Variants in FBXW8 observed in about 807,000 individuals in gnomAD.
FBXW8 encodes the protein F-box/WD repeat-containing protein 8.
FBXW8 carries 57 observed loss-of-function variants against 65.3 expected under a neutral mutation model. The observed-to-expected ratio is 0.87, with a 90% CI of 0.71 to 1.09. The LOEUF is 1.09. Ranked by LOEUF, FBXW8 falls within the 50% of genes least tolerant of loss-of-function variation. FBXW8 has a pLI of 0.00. For missense variants in FBXW8, 777 were observed against 814.8 expected (o/e 0.95, Z 0.57); for synonymous variants, 308 against 330.2 (o/e 0.93, Z 0.73).
chr12:116,937,093 G>A (rs539696806), intron 2 of FBXW8, among the ~76,000 whole-genome samples: 1 of 152,240 alleles, frequency 6.6e-6, no homozygotes, highest in Admixed American at 6.5e-5. Flanking sequence ...GGATGGGCTG[G>A]ATGTGGGGAC....
chr12:117,020,292 G>A (rs1337927213), intron 8 of FBXW8, among the ~76,000 whole-genome samples: 1 of 152,078 alleles, frequency 6.6e-6, no homozygotes, highest in Non-Finnish European at 1.5e-5. Flanking sequence ...TTTCTCTCAG[G>A]CTGCTTTTAG....
chr12:116,916,911 T>TGTGTGTGAGAGA (rs59006120), intron 1 of FBXW8, among the ~76,000 whole-genome samples: 10 of 145,616 alleles, frequency 6.9e-5, no homozygotes, highest in Non-Finnish European at 1.2e-4. Context: ...TGTGTGTGTG[T>TGTGTGTGAGAGA]GAGAGAGAGA....
intron 9 of FBXW8, among the ~76,000 whole-genome samples, chr12:117,025,399 G>C (rs74633556): frequency 0.027 from 4,106 of 152,276 alleles, 182 homozygotes; most frequent in African/African-American, 0.088. Context: ...GCAGAAACAG[G>C]GCAAGGCCCT....
Position 117,030,863 on chromosome 12 carries a change from A to G in FBXW8, c.*2691A>G, listed in dbSNP as rs1224143931. ...ACAGGGAAAGGATAAATGCTCCTTT[A>G]TAAGCCAACATGTATCCAAATTAAG... On this transcript the variant is annotated 3_prime_UTR_variant, in exon 11 of 11. Transcript: ENST00000652555. The G allele has an allele frequency of 6.6e-6, 1 of 152,262 alleles. No individual in the cohort carries two copies. Among genetic ancestry groups the G allele is most frequent in the Non-Finnish European group, 1.5e-5 (1 of 68,048 alleles). 9.4% of individuals were successfully genotyped at this position (152,262 alleles called of 1,614,324 possible). A position where few individuals can be genotyped will look rare whatever the true frequency, so the allele number is the denominator to read the frequency against.
Position 116,957,781 on chromosome 12 carries a change from A to G in FBXW8, c.678-6916A>G, listed in dbSNP as rs183086912. Among the ~76,000 whole-genome samples, 228 of 152,314 alleles carry G rather than the reference A, an allele frequency of 1.5e-3. 1 individual carries two copies. Among genetic ancestry groups the G allele is most frequent in the Admixed American group, 2.4e-3 (37 of 15,300 alleles). ...ATAAGGAACTCGATCATTACCCGTT[A>G]GGGACCTCTTTTTAAAAATACTTTT... On this transcript the variant is annotated intron_variant, in intron 4 of 10. Coordinates refer to ENST00000652555, the MANE Select transcript of FBXW8 (RefSeq NM_153348.3).
rs548855492 is a variant in FBXW8, at chr12:116,953,537, C to T, written c.677+3831C>T. Among the ~76,000 whole-genome samples, 18 of 152,056 alleles carry T rather than the reference C, an allele frequency of 1.2e-4. No individual in the cohort carries two copies. The South Asian group carries it at 1.9e-3, about 16-fold the overall frequency. ...CTGTAATCCCAGCACTTTGGGAGGC[C>T]GAGGCGGGCGGATCACAAGGTCAGG... On this transcript the variant is annotated intron_variant, in intron 4 of 10. Transcript: ENST00000652555.
chr12:116,937,098 G>C (rs1175686405), intron 2 of FBXW8, among the ~76,000 whole-genome samples: 1 of 152,104 alleles, frequency 6.6e-6, no homozygotes, highest in Non-Finnish European at 1.5e-5. Context: ...GGCTGGATGT[G>C]GGGACAGAAG....
At chr12:116,994,687 A>G (rs1380783445) in intron 7 of FBXW8, among the ~76,000 whole-genome samples, 3 of 152,238 alleles carry the variant, frequency 2.0e-5, no homozygotes, top group Admixed American at 1.3e-4. Context: ...GATCATTTCT[A>G]TGACATAACA....
intron 7 of FBXW8, among the ~76,000 whole-genome samples, chr12:117,001,236 G>T (rs1953512885): frequency 6.6e-6 from 1 of 152,130 alleles, no homozygotes; most frequent in East Asian, 1.9e-4. Context: ...TAGGGAGCTG[G>T]GGGGAGCCCC....
At chr12:117,024,411 C>G (rs1281240955) in intron 9 of FBXW8, 91 bp downstream of exon 9, 1 of 1,462,910 alleles carries the variant, frequency 6.8e-7, no homozygotes, top group Non-Finnish European at 9.4e-7. Context: ...TGCTAAATGC[C>G]CCCTACCCCC....
In FBXW8 at chr12:116,911,379, C is replaced by A. The variant is rs928437643; in HGVS notation, c.318+24C>A. The A allele has an allele frequency of 4.0e-6, 5 of 1,254,622 alleles. No homozygotes were observed. The African/African-American group carries it at 4.7e-5, about 12-fold the overall frequency. 77.7% of individuals were successfully genotyped at this position (1,254,622 alleles called of 1,614,324 possible). On this transcript the variant is annotated intron_variant, in intron 1 of 10. Coordinates refer to ENST00000652555, the MANE Select transcript of FBXW8 (RefSeq NM_153348.3). ...TGGTGAGTGGCCGTCGCCTCCCCCCCGCCCATGCCTGCGCCGGCCCCCGCC... is the reference window on the plus strand; with the variant it reads ...TGGTGAGTGGCCGTCGCCTCCCCCCAGCCCATGCCTGCGCCGGCCCCCGCC...
chr12:117,024,075 A>AGG lies in FBXW8; in HGVS notation c.1368-68_1368-67dup, dbSNP rs150703363. On this transcript the variant is annotated intron_variant, in intron 8 of 10. Coordinates refer to ENST00000652555, the MANE Select transcript of FBXW8 (RefSeq NM_153348.3). ...TGTTGTGCATAGACCAGCACCGTGG[A>AGG]GGGGGAGTTTGTCATTTGAAGCTTT... The AGG allele has an allele frequency of 2.0e-6, 3 of 1,521,702 alleles. No individual in the cohort carries two copies. In the Admixed American group the frequency reaches 5.2e-5, roughly 26 times the overall value. The allele number at this position is 1,521,702 out of a possible 1,614,324, so 94.3% of individuals were successfully genotyped here.
At chr12:116,914,543 G>A (rs969386743) in intron 1 of FBXW8, among the ~76,000 whole-genome samples, 6 of 143,106 alleles carry the variant, frequency 4.2e-5, no homozygotes, top group Non-Finnish European at 9.0e-5. Context: ...ACTGCACTCC[G>A]GCCTAGGTGA....
rs1001349447 is a variant in FBXW8 at position 116,985,524 on chromosome 12, A to C, written c.1032+122A>C. 3.5e-5 allele frequency: 33 copies of C among 934,302 alleles called. No homozygotes were observed. The African/African-American group carries it at 4.3e-4, about 12-fold the overall frequency. 57.9% of individuals were successfully genotyped at this position (934,302 alleles called of 1,614,324 possible). On this transcript the variant is annotated intron_variant, in intron 6 of 10. Coordinates refer to ENST00000652555, the MANE Select transcript of FBXW8 (RefSeq NM_153348.3). The stretch of plus-strand genomic sequence containing the variant: ...AGAGCTTCCTGCGGGCCTTACCTCC[A>C]TAAGTCTAACTACAGCCTTACAAAA...
At chr12:117,013,624 AT>A (rs1283643472) in intron 8 of FBXW8, among the ~76,000 whole-genome samples, 1 of 152,152 alleles carries the variant, frequency 6.6e-6, no homozygotes, top group Non-Finnish European at 1.5e-5. Flanking sequence ...TTAAAAAAAA[AT>A]TTTTCACATC....
intron 8 of FBXW8, among the ~76,000 whole-genome samples, chr12:117,014,591 T>C (rs1953902764): frequency 6.6e-6 from 1 of 152,218 alleles, no homozygotes; most frequent in East Asian, 1.9e-4. Context: ...GATTTTTGTT[T>C]TGTTTTGCTT....
At position 116,928,146 on chromosome 12, in the gene FBXW8, A is replaced by C. The variant is rs1464812332; in HGVS notation, c.423+19A>C. On this transcript the variant is annotated intron_variant, in intron 2 of 10. Transcript: ENST00000652555. ...TGCACAGGTAAGGTGTCACCAACAGATGTTCCAGATTTTCCTAAATGTGTG... is the reference window on the plus strand; with the variant it reads ...TGCACAGGTAAGGTGTCACCAACAGCTGTTCCAGATTTTCCTAAATGTGTG... 4.1e-6 allele frequency: 6 copies of C among 1,467,278 alleles called. No homozygotes were observed. Among genetic ancestry groups the C allele is most frequent in the Non-Finnish European group, 5.7e-6 (6 of 1,050,208 alleles). 90.9% of individuals were successfully genotyped at this position (1,467,278 alleles called of 1,614,324 possible). A position where few individuals can be genotyped will look rare whatever the true frequency, so the allele number is the denominator to read the frequency against.
At chr12:116,953,132 TCC>T (rs1883394371) in intron 4 of FBXW8, among the ~76,000 whole-genome samples, 1 of 152,206 alleles carries the variant, frequency 6.6e-6, no homozygotes, top group Admixed American at 6.5e-5. Flanking sequence ...ATACACAGAC[TCC>T]CCTTGTCCCC....
At chr12:117,016,518 ATC>A (rs1352282985) in intron 8 of FBXW8, among the ~76,000 whole-genome samples, 1 of 151,994 alleles carries the variant, frequency 6.6e-6, no homozygotes, top group Non-Finnish European at 1.5e-5. Flanking sequence ...CCAGGTACAA[ATC>A]TCTCATCAGA....
Sources: allele counts gnomAD v4.1 joint callset (sites outside exome capture counted in the v4.1 genomes callset), GRCh38; gene constraint gnomAD v4.1.1; transcripts MANE v1.5; gene names NCBI Gene and HGNC (gene_info 2026-07-23, HGNC 2026-07-21).